Variants in MYRIP observed in about 807,000 individuals in gnomAD.
The protein encoded by MYRIP is myosin VIIA and Rab interacting protein, also known as rab effector MyRIP.
In MYRIP, 49 loss-of-function variants were observed where a neutral mutation model predicts 98.0. The ratio of observed to expected loss-of-function variants is 0.50; its 90% confidence interval spans 0.40 to 0.63. The LOEUF (loss-of-function observed/expected upper bound fraction) is 0.63. Ranked by LOEUF, MYRIP falls within the 30% of genes least tolerant of loss-of-function variation. The probability of loss-of-function intolerance (pLI) is 0.00; values close to 1 mark genes in which losing one functional copy is unlikely to be tolerated. For missense variants in MYRIP, 1,004 were observed against 1,058.2 expected, an observed-to-expected ratio of 0.95 and a Z score of 0.71; for synonymous variants, 404 against 409.5, an observed-to-expected ratio of 0.99 and a Z score of 0.16.
chr3:40,001,065 TATTG>T (rs1291710896), intron 2 of MYRIP, among the ~76,000 whole-genome samples: 2 of 152,206 alleles, frequency 1.3e-5, no homozygotes, highest in Non-Finnish European at 2.9e-5. Flanking sequence ...CATTTTTTGA[TATTG>T]ATAGTTATAT....
intron 1 of MYRIP, among the ~76,000 whole-genome samples, chr3:39,851,443 C>G (rs1942126230): frequency 6.6e-6 from 1 of 152,012 alleles, no homozygotes; most frequent in South Asian, 2.1e-4. Context: ...CACTCCCACA[C>G]TCCTGCTAAT....
intron 3 of MYRIP, among the ~76,000 whole-genome samples, chr3:40,135,640 C>T (rs1481554732): frequency 6.6e-6 from 1 of 152,180 alleles, no homozygotes. Flanking sequence ...AGAGAAAGGT[C>T]GGGTTACCCA....
At chr3:40,024,370 A>G (rs1947074323) in intron 2 of MYRIP, among the ~76,000 whole-genome samples, 1 of 152,070 alleles carries the variant, frequency 6.6e-6, no homozygotes, top group Non-Finnish European at 1.5e-5. Flanking sequence ...CTACCATGAG[A>G]TTAGGGAAGC....
At chr3:40,039,742 T>C (rs1179896192) in intron 2 of MYRIP, among the ~76,000 whole-genome samples, 2 of 151,164 alleles carry the variant, frequency 1.3e-5, no homozygotes, top group Non-Finnish European at 2.9e-5. Context: ...TTTTTTTAGG[T>C]AGAAACTATA....
intron 1 of MYRIP, among the ~76,000 whole-genome samples, chr3:39,847,459 C>A (rs769569210): frequency 6.6e-6 from 1 of 152,180 alleles, no homozygotes; most frequent in Non-Finnish European, 1.5e-5. Context: ...GATAGTTACA[C>A]TTCTTGTTTC....
At chr3:40,212,792 G>C (rs1044873814) in intron 11 of MYRIP, among the ~76,000 whole-genome samples, 1 of 152,004 alleles carries the variant, frequency 6.6e-6, no homozygotes, top group Admixed American at 6.6e-5. Flanking sequence ...CAAGCATGGT[G>C]GTTAATGTCT....
intron 3 of MYRIP, among the ~76,000 whole-genome samples, chr3:40,122,475 A>C (rs960196977): frequency 6.6e-6 from 1 of 151,280 alleles, no homozygotes; most frequent in Non-Finnish European, 1.5e-5. Context: ...CATGTAAATC[A>C]AAAGAAAAAA....
intron 1 of MYRIP, among the ~76,000 whole-genome samples, chr3:39,835,077 T>C (rs1337485903): frequency 6.6e-6 from 1 of 152,140 alleles, no homozygotes; most frequent in Non-Finnish European, 1.5e-5. Flanking sequence ...TAAAAACCAC[T>C]GAGACAGAAA....
Position 40,234,053 on chromosome 3 carries a change from T to C in MYRIP, c.2100T>C (p.Asn700=). ...AGCAGCTGACTTCCCTGGAAGAAAA[T>C]GTAAGAGGGTATGGAGGTGCCCTGT... The part of the protein sequence containing the change: ...LDEQLTSLEE[N]VYLAAGTVYG... Residue 700 remains asparagine (N), a splice_region_variant and synonymous_variant, in exon 12 of 17, where the codon AAT becomes AAC. Transcript: ENST00000302541. 6.2e-7 allele frequency: 1 copy of C among 1,600,762 alleles called. No individual in the cohort carries two copies. Among genetic ancestry groups the C allele is most frequent in the South Asian group, 1.1e-5 (1 of 88,358 alleles).
intron 2 of MYRIP, among the ~76,000 whole-genome samples, chr3:40,003,262 C>T (rs1575456349): frequency 6.7e-6 from 1 of 149,096 alleles, no homozygotes; most frequent in Non-Finnish European, 1.5e-5. Context: ...GAATCGGTGG[C>T]CTCTCTCTGA....
intron 16 of MYRIP, among the ~76,000 whole-genome samples, chr3:40,256,805 A>G (rs1953606491): frequency 6.6e-6 from 1 of 152,138 alleles, no homozygotes; most frequent in Non-Finnish European, 1.5e-5. Flanking sequence ...CATATAAAAT[A>G]TTCCAGGTCA....
intron 1 of MYRIP, among the ~76,000 whole-genome samples, chr3:39,874,401 G>T (rs1405704648): frequency 6.6e-6 from 1 of 151,836 alleles, no homozygotes. Context: ...GTGAGAGAGG[G>T]CATCCCTGTC....
intron 3 of MYRIP, among the ~76,000 whole-genome samples, chr3:40,092,993 G>A (rs978761956): frequency 1.3e-5 from 2 of 152,112 alleles, no homozygotes; most frequent in African/African-American, 4.8e-5. Flanking sequence ...ATCTCCCAGG[G>A]AGCTGAAGCC....
chr3:40,182,500 G>A (rs1455424516), intron 9 of MYRIP, 127 bp downstream of exon 9: 1 of 1,098,028 alleles, frequency 9.1e-7, no homozygotes, highest in Admixed American at 2.8e-5. Flanking sequence ...GTCCCTCTGG[G>A]CTACCAAGTC....
intron 3 of MYRIP, among the ~76,000 whole-genome samples, chr3:40,098,452 AT>A (rs922027344): frequency 2.8e-4 from 43 of 152,058 alleles, no homozygotes; most frequent in African/African-American, 9.4e-4. Context: ...AAAAAGACTG[AT>A]TTTTTTCTTC....
intron 10 of MYRIP, among the ~76,000 whole-genome samples, chr3:40,207,557 T>C (rs2371130): frequency 0.93 from 140,954 of 152,280 alleles, 65,386 homozygotes; most frequent in Middle Eastern, 0.95. Flanking sequence ...TTTGGATAGA[T>C]GTCTCCCTTT....
chr3:40,179,740 C>T lies in MYRIP; in HGVS notation c.874-2480C>T, dbSNP rs543700867. On this transcript the variant is annotated intron_variant, in intron 8 of 16. Coordinates refer to ENST00000302541, the MANE Select transcript of MYRIP (RefSeq NM_015460.4). The stretch of plus-strand genomic sequence containing the variant: ...ATCACAAACAAAAGGCCATCCCTGC[C>T]CTCATGGAGTTCATTGTGTGTGGAA... Among the ~76,000 whole-genome samples the T allele has an allele frequency of 2.4e-4, 36 of 152,268 alleles. No individual in the cohort carries two copies. In the South Asian group the frequency reaches 6.8e-3, roughly 29 times the overall value.
rs1176472310 is a variant in MYRIP at position 40,169,793 on chromosome 3, C to T, written c.730-157C>T. 2.0e-5 allele frequency among the ~76,000 whole-genome samples: 3 copies of T among 152,172 alleles called. No individual in the cohort carries two copies. In the East Asian group the frequency reaches 5.8e-4, roughly 29 times the overall value. ...TAGAATGCTCAAGGCTATAATTGTG[C>T]TGGTTTCTCATAGCGCAGATCTGAA... On this transcript the variant is annotated intron_variant, in intron 7 of 16. Transcript: ENST00000302541.
intron 1 of MYRIP, among the ~76,000 whole-genome samples, chr3:39,852,818 G>C (rs1942174799): frequency 6.6e-6 from 1 of 151,922 alleles, no homozygotes; most frequent in Non-Finnish European, 1.5e-5. Context: ...GTCTCACTCT[G>C]TTGCCAGACT....
Sources: gnomAD v4.1 joint callset for allele counts (sites outside exome capture counted in the v4.1 genomes callset) on GRCh38, gnomAD v4.1.1 for gene constraint, MANE v1.5 for transcripts, NCBI Gene and HGNC (gene_info 2026-07-23, HGNC 2026-07-21) for gene names.